Variants in SETBP1 observed in about 807,000 individuals in gnomAD.
The protein encoded by SETBP1 is SET binding protein 1, also known as SET-binding protein.
SETBP1 carries 9 observed loss-of-function variants against 101.0 expected under a neutral mutation model. The ratio of observed to expected loss-of-function variants is 0.09; its 90% CI spans 0.05 to 0.16. SETBP1 has a LOEUF of 0.16. Among genes scored for constraint, SETBP1 ranks in the 10% least tolerant of loss-of-function variants. The pLI is 1.00. For missense variants in SETBP1, 1,858 were observed against 2,033.8 expected (o/e 0.91, Z 1.66); for synonymous variants, 818 against 788.5 (o/e 1.04, Z -0.63).
intron 2 of SETBP1, among the ~76,000 whole-genome samples, chr18:44,725,465 T>C (rs2069686296): frequency 6.6e-6 from 1 of 152,308 alleles, no homozygotes; most frequent in South Asian, 2.1e-4. Flanking sequence ...AAAGCAGTTA[T>C]GTCTTGACTC....
rs556251325 is a variant in SETBP1 at position 44,747,280 on chromosome 18, T to A, written c.486+45448T>A. Among the ~76,000 whole-genome samples the A allele has an allele frequency of 7.5e-4, 114 of 152,346 alleles. 1 individual carries two copies. Among genetic ancestry groups the A allele is most frequent in the Middle Eastern group, 3.4e-3 (1 of 294 alleles). On this transcript the variant is annotated intron_variant, in intron 2 of 5. Coordinates refer to ENST00000649279, the MANE Select transcript of SETBP1 (RefSeq NM_015559.3). ...TGGGTTAACAATCTCATGAGCTTTT[T>A]AAAGTTTATATTTAGAACAACTATA... is the stretch of plus-strand genomic sequence containing the variant.
chr18:44,681,808 T>C (rs547160988), intron 1 of SETBP1, among the ~76,000 whole-genome samples: 112 of 152,264 alleles, frequency 7.4e-4, no homozygotes, highest in African/African-American at 2.5e-3. Flanking sequence ...CCGTTTCAAA[T>C]AAACTGTCCT....
At chr18:44,818,141 C>T (rs1301633230) in intron 2 of SETBP1, among the ~76,000 whole-genome samples, 1 of 152,168 alleles carries the variant, frequency 6.6e-6, no homozygotes, top group Non-Finnish European at 1.5e-5. Context: ...AGTCAGGATT[C>T]GAAACTTCGT....
intron 2 of SETBP1, among the ~76,000 whole-genome samples, chr18:44,738,141 A>G (rs1354216202): frequency 6.6e-6 from 1 of 152,204 alleles, no homozygotes; most frequent in Non-Finnish European, 1.5e-5. Flanking sequence ...AACTGCTATT[A>G]AAGCCAAAGA....
chr18:44,906,631 G>GA (rs1466724204), intron 3 of SETBP1, among the ~76,000 whole-genome samples: 1 of 152,140 alleles, frequency 6.6e-6, no homozygotes, highest in Non-Finnish European at 1.5e-5. Flanking sequence ...TTTGTTTGTA[G>GA]CCCTCCCTTG....
chr18:44,761,260 T>G (rs2070636399), intron 2 of SETBP1, among the ~76,000 whole-genome samples: 1 of 152,234 alleles, frequency 6.6e-6, no homozygotes, highest in African/African-American at 2.4e-5. Context: ...ACATTTATCA[T>G]TTCTGGTGAC....
chr18:44,778,193 C>T (rs1057161555), intron 2 of SETBP1, among the ~76,000 whole-genome samples: 8 of 152,172 alleles, frequency 5.3e-5, no homozygotes, highest in African/African-American at 1.9e-4. Flanking sequence ...ATGAAACCCA[C>T]TTGCTGGTCC....
chr18:44,834,145 T>C (rs959103392), intron 2 of SETBP1, among the ~76,000 whole-genome samples: 7 of 152,116 alleles, frequency 4.6e-5, no homozygotes, highest in Non-Finnish European at 1.0e-4. Flanking sequence ...AGATAATGGG[T>C]GTGGATCCGT....
At chr18:44,983,133 C>T (rs1037360794) in intron 4 of SETBP1, among the ~76,000 whole-genome samples, 2 of 152,008 alleles carry the variant, frequency 1.3e-5, no homozygotes, top group Non-Finnish European at 2.9e-5. Context: ...TGATTATGAA[C>T]ATTGAAAAAT....
intron 2 of SETBP1, among the ~76,000 whole-genome samples, chr18:44,716,416 AC>A (rs2069465818): frequency 6.6e-6 from 1 of 152,280 alleles, no homozygotes; most frequent in South Asian, 2.1e-4. Context: ...CCCATAAGTC[AC>A]ACCCGGATCC....
At chr18:44,987,736 T>C (rs967333200) in intron 4 of SETBP1, 2 of 152,224 alleles carry the variant, frequency 1.3e-5, no homozygotes, top group African/African-American at 2.4e-5. Context: ...ATACACATAA[T>C]TAAAACAAAT....
chr18:45,025,382 C>T (rs747419536), intron 4 of SETBP1, among the ~76,000 whole-genome samples: 1 of 152,184 alleles, frequency 6.6e-6, no homozygotes, highest in Non-Finnish European at 1.5e-5. Context: ...TCATCACTAT[C>T]GCTTCTCCTC....
At chr18:44,884,598 A>G (rs2069599462) in intron 3 of SETBP1, among the ~76,000 whole-genome samples, 1 of 152,190 alleles carries the variant, frequency 6.6e-6, no homozygotes, top group Admixed American at 6.5e-5. Context: ...GAAGAAGGTC[A>G]TTAGGAAAAA....
intron 2 of SETBP1, among the ~76,000 whole-genome samples, chr18:44,843,124 T>C (rs1445239441): frequency 6.6e-6 from 1 of 152,136 alleles, no homozygotes; most frequent in African/African-American, 2.4e-5. Flanking sequence ...TCAGAAGCAG[T>C]AGCTGCAGGG....
chr18:44,970,464 G>A (rs929375065), intron 4 of SETBP1, among the ~76,000 whole-genome samples: 3 of 152,136 alleles, frequency 2.0e-5, no homozygotes, highest in Non-Finnish European at 4.4e-5. Context: ...AACACCTATA[G>A]TATACCAACC....
chr18:45,041,448 T>C (rs931996693), intron 5 of SETBP1, among the ~76,000 whole-genome samples: 105 of 152,308 alleles, frequency 6.9e-4, no homozygotes, highest in African/African-American at 2.5e-3. Context: ...TCTTTCACTA[T>C]AAGCAAGGTA....
intron 2 of SETBP1, among the ~76,000 whole-genome samples, chr18:44,788,187 C>G (rs532323874): frequency 1.3e-5 from 2 of 152,060 alleles, no homozygotes; most frequent in South Asian, 2.1e-4. Flanking sequence ...TCCTGATGGT[C>G]GTAAGAAATG....
At chr18:44,944,332 C>T (rs550296749) in intron 3 of SETBP1, among the ~76,000 whole-genome samples, 46 of 152,202 alleles carry the variant, frequency 3.0e-4, no homozygotes, top group Non-Finnish European at 5.7e-4. Context: ...GCATGTTTAT[C>T]ACCAAAAATT....
At chr18:45,028,611 G>A (rs2073222486) in intron 4 of SETBP1, among the ~76,000 whole-genome samples, 2 of 152,194 alleles carry the variant, frequency 1.3e-5, no homozygotes, top group Non-Finnish European at 2.9e-5. Context: ...GGCTGAACTA[G>A]TTTACAGTCC....
Sources: gnomAD v4.1 joint callset for allele counts (sites outside exome capture counted in the v4.1 genomes callset) on GRCh38, gnomAD v4.1.1 for gene constraint, MANE v1.5 for transcripts, NCBI Gene and HGNC (gene_info 2026-07-23, HGNC 2026-07-21) for gene names.